IGF1R: variants seen among roughly 807,000 people sequenced by gnomAD.
IGF1R encodes the protein insulin like growth factor 1 receptor.
A neutral mutation model predicts 144.6 loss-of-function variants in IGF1R; 44 were observed. That is an observed-to-expected ratio of 0.30 (90% CI 0.24 to 0.39). IGF1R has a LOEUF of 0.39. Ranked by LOEUF, IGF1R falls within the 10% of genes least tolerant of loss-of-function variation. The pLI is 1.00. For synonymous variants in IGF1R, 795 were observed against 722.8 expected (o/e 1.10, Z -1.60); for missense variants, 1,355 against 1,833.7 (o/e 0.74, Z 4.77).
rs185604380 is a variant in IGF1R, at chr15:98,728,600, G to T, written c.640+20493G>T. Among the ~76,000 whole-genome samples the T allele has an allele frequency of 2.9e-3, 435 of 152,366 alleles. 2 individuals carry two copies. Among genetic ancestry groups the T allele is most frequent in the African/African-American group, 9.9e-3 (410 of 41,600 alleles). ...CGTTCAAGAGGCTGAGCTCAAGCAG[G>T]TGAGCATGTTCTGAGCCATTGTGAA... On this transcript the variant is annotated intron_variant, in intron 2 of 20. Transcript: ENST00000650285.
intron 2 of IGF1R, among the ~76,000 whole-genome samples, chr15:98,832,505 C>T (rs531836890): frequency 2.0e-5 from 3 of 152,264 alleles, no homozygotes; most frequent in Admixed American, 6.5e-5. Flanking sequence ...AACCACTGCC[C>T]GGGTATTGTA....
intron 8 of IGF1R, among the ~76,000 whole-genome samples, chr15:98,914,782 G>A (rs377598722): frequency 2.0e-5 from 3 of 152,278 alleles, no homozygotes; most frequent in Non-Finnish European, 2.9e-5. Flanking sequence ...TACACGCAGC[G>A]GAGACAGACG....
At chr15:98,906,703 T>C (rs1328570363) in intron 5 of IGF1R, among the ~76,000 whole-genome samples, 1 of 152,254 alleles carries the variant, frequency 6.6e-6, no homozygotes, top group Admixed American at 6.5e-5. Flanking sequence ...TGTCTTATGC[T>C]GCTTTTCCAG....
At chr15:98,895,696 C>G (rs577605771) in intron 3 of IGF1R, among the ~76,000 whole-genome samples, 1 of 152,226 alleles carries the variant, frequency 6.6e-6, no homozygotes, top group East Asian at 1.9e-4. Context: ...GCATCTTTGT[C>G]TTAGATACAA....
At chr15:98,875,149 C>T (rs2012992388) in intron 2 of IGF1R, among the ~76,000 whole-genome samples, 1 of 151,848 alleles carries the variant, frequency 6.6e-6, no homozygotes, top group Admixed American at 6.6e-5. Context: ...TCCGGGATTT[C>T]GGGAGACAGC....
intron 2 of IGF1R, among the ~76,000 whole-genome samples, chr15:98,859,176 A>T (rs2141579470): frequency 6.6e-6 from 1 of 152,250 alleles, no homozygotes; most frequent in South Asian, 2.1e-4. Flanking sequence ...GCCCATGTAT[A>T]TTGAGATCGG....
At chr15:98,930,422 C>T in intron 15 of IGF1R, 117 bp downstream of exon 15, 1 of 690,870 alleles carries the variant, frequency 1.4e-6, no homozygotes, top group Non-Finnish European at 2.6e-6. Context: ...CTACCTTTGG[C>T]CTTGGATCTG....
intron 2 of IGF1R, among the ~76,000 whole-genome samples, chr15:98,835,474 G>A (rs1343585065): frequency 1.3e-5 from 2 of 152,204 alleles, no homozygotes; most frequent in Admixed American, 6.5e-5. Context: ...AGGAGTAATT[G>A]TTTCTCTCGA....
intron 1 of IGF1R, among the ~76,000 whole-genome samples, chr15:98,671,122 G>T (rs552763720): frequency 6.6e-6 from 1 of 152,286 alleles, no homozygotes; most frequent in African/African-American, 2.4e-5. Flanking sequence ...CTCTGTTACT[G>T]GATCTCCATT....
At chr15:98,955,907 T>TGGC (rs1567222133) in intron 20 of IGF1R, among the ~76,000 whole-genome samples, 15 of 152,322 alleles carry the variant, frequency 9.8e-5, no homozygotes, top group Middle Eastern at 3.4e-3. Flanking sequence ...AGCCAGAATT[T>TGGC]TAAAATAAAG....
chr15:98,885,769 T>G (rs1214907139), intron 2 of IGF1R, among the ~76,000 whole-genome samples: 8 of 151,998 alleles, frequency 5.3e-5, no homozygotes, highest in African/African-American at 1.9e-4. Context: ...TATGGCCAGG[T>G]GGCCCCTCTT....
intron 1 of IGF1R, among the ~76,000 whole-genome samples, chr15:98,702,928 C>G (rs887060671): frequency 6.6e-6 from 1 of 152,100 alleles, no homozygotes; most frequent in African/African-American, 2.4e-5. Flanking sequence ...CAGAGTGAGA[C>G]CACGTCTCAA....
chr15:98,748,189 C>T (rs2054916067), intron 2 of IGF1R, among the ~76,000 whole-genome samples: 1 of 152,152 alleles, frequency 6.6e-6, no homozygotes, highest in African/African-American at 2.4e-5. Flanking sequence ...TTTTTAGAGA[C>T]AGGATCTTGC....
intron 2 of IGF1R, among the ~76,000 whole-genome samples, chr15:98,854,428 C>T (rs2011679227): frequency 6.6e-6 from 1 of 152,176 alleles, no homozygotes; most frequent in Non-Finnish European, 1.5e-5. Flanking sequence ...CTCTCCTGGG[C>T]TCATGAGGTG....
intron 1 of IGF1R, among the ~76,000 whole-genome samples, chr15:98,702,033 GTTTTTTTTTT>G (rs35793845): frequency 1.8e-5 from 2 of 108,702 alleles, no homozygotes; most frequent in Middle Eastern, 5.6e-3. Flanking sequence ...GAGTCACGCT[GTTTTTTTTTT>G]TTTTTTTTTT....
At chr15:98,727,906 A>G (rs6598541) in intron 2 of IGF1R, among the ~76,000 whole-genome samples, 87,476 of 151,778 alleles carry the variant, frequency 0.58, 25,725 homozygotes, top group Non-Finnish European at 0.63. Context: ...TCCCTGTTGC[A>G]GATCTGGCCT....
At chr15:98,792,983 G>GTT (rs1481495544) in intron 2 of IGF1R, among the ~76,000 whole-genome samples, 1 of 151,896 alleles carries the variant, frequency 6.6e-6, no homozygotes, top group Non-Finnish European at 1.5e-5. Flanking sequence ...TTGTTGGGTT[G>GTT]TTTTTTTTCT....
chr15:98,695,966 TC>T (rs1192758516), intron 1 of IGF1R, among the ~76,000 whole-genome samples: 2 of 146,392 alleles, frequency 1.4e-5, no homozygotes, highest in African/African-American at 5.4e-5. Context: ...TCAGGGTCTC[TC>T]CCCTGGCCCC....
At chr15:98,871,632 G>A (rs1385308415) in intron 2 of IGF1R, among the ~76,000 whole-genome samples, 2 of 152,188 alleles carry the variant, frequency 1.3e-5, no homozygotes, top group Non-Finnish European at 2.9e-5. Flanking sequence ...AAATCATGGC[G>A]GAAAGTGAAA....
Sources: gnomAD v4.1 joint callset for allele counts (sites outside exome capture counted in the v4.1 genomes callset) on GRCh38, gnomAD v4.1.1 for gene constraint, MANE v1.5 for transcripts, NCBI Gene and HGNC (gene_info 2026-07-23, HGNC 2026-07-21) for gene names.